The following FRMD5 variants were observed in gnomAD, a reference collection of about 807,000 sequenced individuals.
FRMD5 encodes FERM domain-containing protein 5.
In FRMD5, 20 loss-of-function variants were observed where a neutral mutation model predicts 69.0. The ratio of observed to expected loss-of-function variants is 0.29; its 90% CI spans 0.20 to 0.42. The LOEUF (loss-of-function observed/expected upper bound fraction) is 0.42. FRMD5 is among the 10% of genes least tolerant of loss of function. FRMD5 has a pLI of 1.00. For synonymous variants in FRMD5, 271 were observed against 260.1 expected, an observed-to-expected ratio of 1.04 and a Z score of -0.40; for missense variants, 595 against 708.6, an observed-to-expected ratio of 0.84 and a Z score of 1.82.
intron 1 of FRMD5, among the ~76,000 whole-genome samples, chr15:43,980,904 T>TA (rs1489493699): frequency 1.3e-5 from 2 of 152,068 alleles, no homozygotes; most frequent in African/African-American, 2.4e-5. Flanking sequence ...CCAGGTACAG[T>TA]AAAAAATCTA....
chr15:44,009,777 G>A (rs1207502710), intron 1 of FRMD5, among the ~76,000 whole-genome samples: 1 of 152,206 alleles, frequency 6.6e-6, no homozygotes, highest in Non-Finnish European at 1.5e-5. Flanking sequence ...AAGGCCCAGA[G>A]AACAGGCTGC....
At chr15:43,897,951 G>A (rs1015569077) in intron 7 of FRMD5, among the ~76,000 whole-genome samples, 9 of 145,458 alleles carry the variant, frequency 6.2e-5, no homozygotes, top group Non-Finnish European at 1.3e-4. Context: ...TGTAAGACAT[G>A]CCTGCTTCCC....
At chr15:43,972,562 C>A (rs569567356) in intron 1 of FRMD5, among the ~76,000 whole-genome samples, 4 of 152,248 alleles carry the variant, frequency 2.6e-5, no homozygotes, top group African/African-American at 2.4e-5. Flanking sequence ...TCTGGGTAAC[C>A]AATGCCAGGA....
chr15:44,160,902 T>C (rs1432719087), intron 1 of FRMD5, among the ~76,000 whole-genome samples: 1 of 152,170 alleles, frequency 6.6e-6, no homozygotes, highest in Non-Finnish European at 1.5e-5. Flanking sequence ...AGCCCTTTCA[T>C]AAGAAGGAAG....
chr15:44,089,137 A>T (rs1894325282), intron 1 of FRMD5, among the ~76,000 whole-genome samples: 1 of 152,216 alleles, frequency 6.6e-6, no homozygotes, highest in South Asian at 2.1e-4. Context: ...ACAGGAGGGG[A>T]CAGAAAGATG....
At chr15:44,167,881 G>A (rs2077736763) in intron 1 of FRMD5, among the ~76,000 whole-genome samples, 1 of 152,184 alleles carries the variant, frequency 6.6e-6, no homozygotes, top group African/African-American at 2.4e-5. Flanking sequence ...ATGAGCCACG[G>A]GGCCCAGTCA....
At chr15:43,906,519 A>G (rs749093713) in intron 5 of FRMD5, among the ~76,000 whole-genome samples, 58 of 152,342 alleles carry the variant, frequency 3.8e-4, no homozygotes, top group Non-Finnish European at 7.3e-4. Context: ...ACCAGGTGCC[A>G]GGTTCCTTCG....
chr15:44,062,473 T>C (rs1159537541), intron 1 of FRMD5, among the ~76,000 whole-genome samples: 1 of 152,156 alleles, frequency 6.6e-6, no homozygotes, highest in East Asian at 1.9e-4. Flanking sequence ...GGCGGATCAC[T>C]TGAGACCAAG....
At chr15:44,093,586 T>A (rs2140493674) in intron 1 of FRMD5, among the ~76,000 whole-genome samples, 1 of 151,962 alleles carries the variant, frequency 6.6e-6, no homozygotes, top group African/African-American at 2.4e-5. Flanking sequence ...TTTTTTTTTT[T>A]TTTTGAGACG....
chr15:44,060,098 G>T (rs777635142), intron 1 of FRMD5, among the ~76,000 whole-genome samples: 1 of 152,180 alleles, frequency 6.6e-6, no homozygotes, highest in Non-Finnish European at 1.5e-5. Context: ...GAGATTAGAA[G>T]CAGAAGCAGA....
chr15:43,905,197 CGCAACCTCAGCTCACT>C (rs2089142187), intron 6 of FRMD5, among the ~76,000 whole-genome samples: 1 of 146,792 alleles, frequency 6.8e-6, no homozygotes. Flanking sequence ...AGTGCAATGG[CGCAACCTCAGCTCACT>C]GCAACCTCTG....
At chr15:43,876,284 T>C in intron 13 of FRMD5, 1 of 1,290,754 alleles carries the variant, frequency 7.7e-7, no homozygotes, top group Non-Finnish European at 1.1e-6. Context: ...CTGGGCCTGG[T>C]TTTTACCCCA....
At chr15:43,918,201 G>A (rs376016577) in intron 4 of FRMD5, among the ~76,000 whole-genome samples, 9 of 152,122 alleles carry the variant, frequency 5.9e-5, no homozygotes, top group Admixed American at 2.0e-4. Flanking sequence ...TGAGGCAGGC[G>A]GGTCACGAGC....
At chr15:44,183,799 T>C (rs909927911) in intron 1 of FRMD5, among the ~76,000 whole-genome samples, 18 of 152,178 alleles carry the variant, frequency 1.2e-4, no homozygotes, top group African/African-American at 3.6e-4. Context: ...CTGGTCAACA[T>C]GGCGAAACCC....
At chr15:43,976,489 A>G (rs1173880702) in intron 1 of FRMD5, among the ~76,000 whole-genome samples, 1 of 152,216 alleles carries the variant, frequency 6.6e-6, no homozygotes, top group African/African-American at 2.4e-5. Flanking sequence ...TTGAACAGAC[A>G]CTTTAACAAA....
At chr15:44,121,568 G>A (rs1430522423) in intron 1 of FRMD5, among the ~76,000 whole-genome samples, 1 of 151,738 alleles carries the variant, frequency 6.6e-6, no homozygotes, top group Non-Finnish European at 1.5e-5. Context: ...TCTCAAGCTC[G>A]AGGTTTCTCT....
At chr15:44,051,542 C>A (rs1025549041) in intron 1 of FRMD5, among the ~76,000 whole-genome samples, 7 of 151,944 alleles carry the variant, frequency 4.6e-5, no homozygotes, top group African/African-American at 1.7e-4. Context: ...ACATTTGTCA[C>A]AATAACCAAT....
At chr15:43,950,699 GA>G (rs2090013312) in intron 1 of FRMD5, among the ~76,000 whole-genome samples, 1 of 152,184 alleles carries the variant, frequency 6.6e-6, no homozygotes, top group Non-Finnish European at 1.5e-5. Flanking sequence ...ATGATGAAGA[GA>G]ATTTTGACAA....
At chr15:43,959,073 T>G (rs776663694) in intron 1 of FRMD5, among the ~76,000 whole-genome samples, 1 of 152,234 alleles carries the variant, frequency 6.6e-6, no homozygotes, top group African/African-American at 2.4e-5. Context: ...CACAGATTAC[T>G]GTGCTTTCTT....
Sources: allele counts gnomAD v4.1 joint callset (sites outside exome capture counted in the v4.1 genomes callset), GRCh38; gene constraint gnomAD v4.1.1; transcripts MANE v1.5; gene names NCBI Gene and HGNC (gene_info 2026-07-23, HGNC 2026-07-21).